The following ITGAV variants were observed in gnomAD, a reference collection of about 807,000 sequenced individuals.
The protein encoded by ITGAV is integrin subunit alpha V.
Under a neutral mutation model 143.8 loss-of-function variants are expected in ITGAV, and 76 were observed. The ratio of observed to expected loss-of-function variants is 0.53; its 90% CI spans 0.44 to 0.64. The LOEUF is 0.64. Ranked by LOEUF, ITGAV falls within the 30% of genes least tolerant of loss-of-function variation. ITGAV has a pLI of 0.00. For synonymous variants in ITGAV, 453 were observed against 446.7 expected (o/e 1.01, Z -0.18); for missense variants, 1,193 against 1,274.7 (o/e 0.94, Z 0.98).
chr2:186,642,535 C>CTT (rs35034170), intron 12 of ITGAV, among the ~76,000 whole-genome samples: 7 of 113,170 alleles, frequency 6.2e-5, no homozygotes, highest in Admixed American at 1.9e-4. Flanking sequence ...TCTTTTTTTT[C>CTT]TTTTTTTTTT....
chr2:186,675,987 T>C (rs765500341), intron 28 of ITGAV, 60 bp downstream of exon 28: 2 of 928,332 alleles, frequency 2.2e-6, no homozygotes, highest in Non-Finnish European at 3.4e-6. Context: ...TGTACATGTT[T>C]TTATTTTGTT....
At chr2:186,593,033 AC>A (rs1328740273) in intron 1 of ITGAV, among the ~76,000 whole-genome samples, 1 of 152,156 alleles carries the variant, frequency 6.6e-6, no homozygotes, top group Non-Finnish European at 1.5e-5. Flanking sequence ...TTCCAATATT[AC>A]CAGTTGGATT....
intron 22 of ITGAV, 133 bp downstream of exon 22, chr2:186,666,916 T>C (rs1456075716): frequency 7.1e-6 from 4 of 563,216 alleles, no homozygotes; most frequent in Non-Finnish European, 8.9e-6. Flanking sequence ...TTAAAATCAA[T>C]ATTTACATTA....
At position 186,669,678 on chromosome 2, in the gene ITGAV, TTTTATTAATGTGA is replaced by T. The variant is rs770990882; in HGVS notation, c.2593-20_2593-8del. ...TGTTTTTCATTATCATTTACCACCA[TTTTATTAATGTGA>T]TTGCATTAGATCTCATCTTTGCAAA... is the stretch of plus-strand genomic sequence containing the variant. On this transcript the variant is annotated splice_polypyrimidine_tract_variant and intron_variant, in intron 25 of 29. Coordinates refer to ENST00000261023, the MANE Select transcript of ITGAV (RefSeq NM_002210.5). 6.6e-7 allele frequency: 1 copy of T among 1,512,702 alleles called. No individual in the cohort carries two copies. The allele number at this position is 1,512,702 out of a possible 1,614,324, so 93.7% of individuals were successfully genotyped here. A position where few individuals can be genotyped will look rare whatever the true frequency, so the allele number is the denominator to read the frequency against.
intron 1 of ITGAV, among the ~76,000 whole-genome samples, chr2:186,601,065 T>G (rs1344803948): frequency 2.0e-5 from 3 of 152,068 alleles, no homozygotes; most frequent in Non-Finnish European, 4.4e-5. Context: ...ATATCTTTTA[T>G]GAATGAATAG....
intron 18 of ITGAV, among the ~76,000 whole-genome samples, chr2:186,661,822 C>T (rs527766856): frequency 3.2e-4 from 48 of 152,096 alleles, no homozygotes; most frequent in African/African-American, 1.2e-3. Flanking sequence ...GTCTTGATCT[C>T]CTGACCTCGT....
At chr2:186,643,153 G>A (rs918485409) in intron 12 of ITGAV, among the ~76,000 whole-genome samples, 1 of 152,164 alleles carries the variant, frequency 6.6e-6, no homozygotes, top group African/African-American at 2.4e-5. Context: ...ACCTTGTCTT[G>A]ATGTTATTCC....
intron 28 of ITGAV, chr2:186,676,136 G>T: frequency 2.2e-6 from 1 of 459,726 alleles, no homozygotes; most frequent in Non-Finnish European, 3.8e-6. Flanking sequence ...TTAGCATCTT[G>T]TCCAGTGTAA....
chr2:186,640,954 A>C lies in ITGAV; in HGVS notation c.943A>C (p.Ile315Leu). ...YFGFSVAATD[I>L]NGDDYADVFI... ...CGGATTTTCTGTAGCTGCCACTGACATTAATGGAGATGAGTAAGTTTAAAA... is the reference window on the plus strand; with the variant it reads ...CGGATTTTCTGTAGCTGCCACTGACCTTAATGGAGATGAGTAAGTTTAAAA... Residue 315 changes from isoleucine to leucine, a missense_variant, in exon 11 of 30, where the codon ATT becomes CTT. Coordinates refer to ENST00000261023, the MANE Select transcript of ITGAV (RefSeq NM_002210.5). The C allele has an allele frequency of 6.3e-7, 1 of 1,596,376 alleles. No individual in the cohort carries two copies. The highest frequency in any genetic ancestry group is 2.2e-5 in the East Asian group (1 of 44,638).
Position 186,669,815 on chromosome 2 carries a change from G to GT in ITGAV, c.2706+2dup. The GT allele has an allele frequency of 6.3e-7, 1 of 1,593,416 alleles. No individual in the cohort carries two copies. Among genetic ancestry groups the GT allele is most frequent in the Non-Finnish European group, 8.6e-7 (1 of 1,161,448 alleles). ...CAGTGAAGGAGATATTCACACTTTGGTAAGTGCCATTTCAAATATGTGCAC... is the reference window on the plus strand; with the variant it reads ...CAGTGAAGGAGATATTCACACTTTGGTTAAGTGCCATTTCAAATATGTGCAC... On this transcript the variant is annotated splice_donor_variant, in intron 26 of 29. Transcript: ENST00000261023. LOFTEE classifies it high-confidence loss of function.
chr2:186,674,323 T>G (rs1689146772), intron 26 of ITGAV, among the ~76,000 whole-genome samples: 1 of 152,138 alleles, frequency 6.6e-6, no homozygotes, highest in African/African-American at 2.4e-5. Flanking sequence ...TTTTTTGGAT[T>G]TCTTATTGAT....
At chr2:186,667,890 G>A (rs906649880) in intron 24 of ITGAV, 114 bp downstream of exon 24, 2 of 480,044 alleles carry the variant, frequency 4.2e-6, no homozygotes, top group Non-Finnish European at 7.4e-6. Flanking sequence ...CTCTACATTG[G>A]TTAAGTATGT....
intron 6 of ITGAV, among the ~76,000 whole-genome samples, chr2:186,634,033 A>G (rs1355034015): frequency 2.0e-5 from 3 of 152,154 alleles, no homozygotes; most frequent in Non-Finnish European, 4.4e-5. Context: ...CTCTCAAAAA[A>G]TATATATAAA....
At chr2:186,664,704 T>C (rs575994594) in intron 20 of ITGAV, 63 bp downstream of exon 20, 1 of 1,591,712 alleles carries the variant, frequency 6.3e-7, no homozygotes, top group East Asian at 2.2e-5. Flanking sequence ...ATTAATGAGC[T>C]GTTCCCCTAT....
intron 12 of ITGAV, among the ~76,000 whole-genome samples, chr2:186,642,401 G>A (rs1688130829): frequency 6.6e-6 from 1 of 152,102 alleles, no homozygotes; most frequent in African/African-American, 2.4e-5. Context: ...GTCTCAAACA[G>A]TAGTGGAAAG....
intron 26 of ITGAV, among the ~76,000 whole-genome samples, chr2:186,671,905 C>T (rs1347779196): frequency 6.7e-6 from 1 of 148,804 alleles, no homozygotes; most frequent in African/African-American, 2.5e-5. Context: ...TTTCATGTAG[C>T]ATGTTTTCAA....
intron 4 of ITGAV, among the ~76,000 whole-genome samples, chr2:186,627,125 G>A (rs1687696669): frequency 1.3e-5 from 2 of 152,216 alleles, no homozygotes; most frequent in South Asian, 4.2e-4. Flanking sequence ...CATCTCATGG[G>A]GTTGAGAGTG....
chr2:186,592,119 T>C (rs1442535343), intron 1 of ITGAV, among the ~76,000 whole-genome samples: 1 of 152,164 alleles, frequency 6.6e-6, no homozygotes, highest in Non-Finnish European at 1.5e-5. Context: ...TTTGAAAATA[T>C]ATGTCTTCAG....
intron 21 of ITGAV, 31 bp downstream of exon 21, chr2:186,665,249 C>T (rs865973012): frequency 7.2e-7 from 1 of 1,382,784 alleles, no homozygotes; most frequent in Admixed American, 1.7e-5. Context: ...GGATTTTTCT[C>T]CCTGGCAAAT....
Sources: allele counts gnomAD v4.1 joint callset (sites outside exome capture counted in the v4.1 genomes callset), GRCh38; gene constraint gnomAD v4.1.1; transcripts MANE v1.5; gene names NCBI Gene and HGNC (gene_info 2026-07-23, HGNC 2026-07-21).